SYT6: variants seen among roughly 807,000 people sequenced by gnomAD.
The protein encoded by SYT6 is synaptotagmin 6, also known as synaptotagmin-6.
SYT6 carries 24 observed loss-of-function variants against 38.4 expected under a neutral mutation model. The ratio of observed to expected loss-of-function variants is 0.62; its 90% confidence interval spans 0.45 to 0.88. The LOEUF (loss-of-function observed/expected upper bound fraction) is 0.88, where lower values mean the gene tolerates loss of function less well. SYT6 is among the 40% of genes least tolerant of loss of function. The pLI is 0.00. For synonymous variants in SYT6, 265 were observed against 241.9 expected (o/e 1.10, Z -0.89); for missense variants, 611 against 621.0 (o/e 0.98, Z 0.17).
intron 1 of SYT6, among the ~76,000 whole-genome samples, chr1:114,149,222 T>TGTGTGTGTGTGTGTGTGCGCGC (rs1553185741): frequency 5.9e-5 from 7 of 118,220 alleles, no homozygotes; most frequent in African/African-American, 1.3e-4. Flanking sequence ...AGAGATTGTG[T>TGTGTGTGTGTGTGTGTGCGCGC]GTGTGTGTGT....
intron 6 of SYT6, among the ~76,000 whole-genome samples, chr1:114,094,041 C>G (rs1026001074): frequency 1.3e-5 from 2 of 152,156 alleles, no homozygotes; most frequent in Non-Finnish European, 2.9e-5. Flanking sequence ...ACTGATAGGC[C>G]AGGTCAGAGG....
intron 2 of SYT6, among the ~76,000 whole-genome samples, chr1:114,138,279 T>C (rs902974461): frequency 6.6e-6 from 1 of 152,206 alleles, no homozygotes; most frequent in Admixed American, 6.5e-5. Context: ...GTGCCTGATA[T>C]ATAGTAAGCT....
Position 114,103,637 on chromosome 1 carries a change from G to C in SYT6, c.1156C>G (p.Arg386Gly), listed in dbSNP as rs374176925. 1 of 1,614,172 alleles carries C rather than the reference G, an allele frequency of 6.2e-7. No homozygotes were observed. The highest frequency in any genetic ancestry group is 8.5e-7 in the Non-Finnish European group (1 of 1,180,024). ...GRLTLTVIKC[R>G]NLKAMDITGY... Reference sequence around the variant, plus strand: ...GTGATGTCCATCGCCTTGAGGTTCCGACACTTAATCACTGTGAGGGTGAGC... The same window carrying C: ...GTGATGTCCATCGCCTTGAGGTTCCCACACTTAATCACTGTGAGGGTGAGC... The change falls in exon 4 of 8, where the codon CGG becomes GGG. Residue 386 changes from arginine to glycine, a missense_variant. Transcript: ENST00000610222.
chr1:114,140,029 T>C, intron 1 of SYT6, 66 bp from the exon 2 acceptor site: 1 of 975,366 alleles, frequency 1.0e-6, no homozygotes, highest in Non-Finnish European at 1.5e-6. Flanking sequence ...CGGGTGAGGG[T>C]GTTGGAGGAG....
intron 1 of SYT6, among the ~76,000 whole-genome samples, chr1:114,150,716 A>G (rs1397676309): frequency 6.6e-6 from 1 of 152,210 alleles, no homozygotes; most frequent in East Asian, 1.9e-4. Context: ...AAGGTGGAGA[A>G]CTGCTTATTA....
At chr1:114,131,508 G>T (rs1678150769) in intron 3 of SYT6, among the ~76,000 whole-genome samples, 1 of 152,178 alleles carries the variant, frequency 6.6e-6, no homozygotes, top group Non-Finnish European at 1.5e-5. Flanking sequence ...CAGTGCAGCA[G>T]CTTGCATAAT....
At chr1:114,097,176 C>G (rs1301763229) in intron 6 of SYT6, among the ~76,000 whole-genome samples, 1 of 152,238 alleles carries the variant, frequency 6.6e-6, no homozygotes, top group Non-Finnish European at 1.5e-5. Flanking sequence ...CCAACGCAAC[C>G]CAGCTCCACA....
At chr1:114,095,549 A>G (rs1675581435) in intron 6 of SYT6, among the ~76,000 whole-genome samples, 1 of 152,186 alleles carries the variant, frequency 6.6e-6, no homozygotes, top group Non-Finnish European at 1.5e-5. Flanking sequence ...ATGGGGGCTC[A>G]CGGGCCCAGC....
chr1:114,121,739 C>G (rs1432917581), intron 3 of SYT6, among the ~76,000 whole-genome samples: 1 of 152,154 alleles, frequency 6.6e-6, no homozygotes, highest in African/African-American at 2.4e-5. Flanking sequence ...TCAGTTTCCC[C>G]ATCTATAAAA....
intron 3 of SYT6, among the ~76,000 whole-genome samples, chr1:114,105,407 T>TAG (rs1676232886): frequency 7.0e-6 from 1 of 142,550 alleles, no homozygotes; most frequent in Non-Finnish European, 1.5e-5. Context: ...CTCACCCTCT[T>TAG]TTCCTAGCCC....
At chr1:114,123,217 G>T (rs1357331680) in intron 3 of SYT6, among the ~76,000 whole-genome samples, 1 of 152,194 alleles carries the variant, frequency 6.6e-6, no homozygotes, top group Non-Finnish European at 1.5e-5. Context: ...AAGTCACAAA[G>T]CTAGCCCTGT....
chr1:114,144,991 T>A (rs1679083020), intron 1 of SYT6, among the ~76,000 whole-genome samples: 1 of 152,112 alleles, frequency 6.6e-6, no homozygotes, highest in Non-Finnish European at 1.5e-5. Context: ...TTAGAGCCTT[T>A]CCCTGGCCAA....
chr1:114,134,053 C>A (rs1678334516), intron 3 of SYT6, among the ~76,000 whole-genome samples: 2 of 152,228 alleles, frequency 1.3e-5, no homozygotes, highest in Admixed American at 6.5e-5. Flanking sequence ...ACTCAAGGAG[C>A]AACACAGGCA....
At position 114,099,088 on chromosome 1, in the gene SYT6, A is replaced by G. The variant is rs776485216; in HGVS notation, c.1364+6T>C. 3.7e-6 allele frequency: 6 copies of G among 1,610,172 alleles called. No individual in the cohort carries two copies. Among genetic ancestry groups the G allele is most frequent in the African/African-American group, 1.3e-5 (1 of 74,942 alleles). ...AGAATTACGTCCCTCTAGGACGCCT[A>G]CCTACCGATCATAGTCCATGACTGA... On this transcript the variant is annotated splice_donor_region_variant and intron_variant, in intron 5 of 7. Transcript: ENST00000610222.
intron 3 of SYT6, among the ~76,000 whole-genome samples, chr1:114,114,647 A>AGGC (rs1195754180): frequency 2.6e-5 from 4 of 152,144 alleles, no homozygotes; most frequent in Admixed American, 2.6e-4. Context: ...TCATCTCTGG[A>AGGC]GGCGGGGCCT....
chr1:114,137,786 G>C lies in SYT6; in HGVS notation c.780C>G (p.Asp260Glu). 1 of 1,614,120 alleles carries C rather than the reference G, an allele frequency of 6.2e-7. No individual in the cohort carries two copies. Among genetic ancestry groups the C allele is most frequent in the Non-Finnish European group, 8.5e-7 (1 of 1,180,036 alleles). ...ILKAFDLPAK[D>E]FCGSSDPYVK... ...CATAAGGGTCAGAGCTTCCACAAAA[G>C]TCCTTGGCAGGGAGGTCAAAAGCCT... Residue 260 changes from aspartate to glutamate, a missense_variant, in exon 3 of 8, where the codon GAC (aspartate) becomes GAG (glutamate). By Grantham distance (45) the Asp-to-Glu change is conservative. Coordinates refer to ENST00000610222, the MANE Select transcript of SYT6 (RefSeq NM_001253772.2).
At chr1:114,117,835 C>T (rs954472099) in intron 3 of SYT6, among the ~76,000 whole-genome samples, 7 of 152,140 alleles carry the variant, frequency 4.6e-5, no homozygotes, top group Non-Finnish European at 1.0e-4. Context: ...CATCCTCAGC[C>T]GTAAAATGAG....
intron 3 of SYT6, among the ~76,000 whole-genome samples, chr1:114,119,172 C>T (rs541186423): frequency 8.5e-5 from 13 of 152,322 alleles, no homozygotes; most frequent in South Asian, 8.3e-4. Flanking sequence ...AGATTACAGG[C>T]CCCTGTTCAT....
At chr1:114,118,600 C>G (rs533707887) in intron 3 of SYT6, among the ~76,000 whole-genome samples, 6 of 152,348 alleles carry the variant, frequency 3.9e-5, no homozygotes, top group African/African-American at 1.4e-4. Context: ...CCAGGCCCTC[C>G]GGCGGGGTGT....
Sources: gnomAD v4.1 joint callset for allele counts (sites outside exome capture counted in the v4.1 genomes callset) on GRCh38, gnomAD v4.1.1 for gene constraint, MANE v1.5 for transcripts, NCBI Gene and HGNC (gene_info 2026-07-23, HGNC 2026-07-21) for gene names.